Variants in GIGYF2 observed in about 807,000 individuals in gnomAD.
GIGYF2 encodes GRB10 interacting GYF protein 2, also known as GRB10-interacting GYF protein 2.
A neutral mutation model predicts 208.1 loss-of-function variants in GIGYF2; 25 were observed. The ratio of observed to expected loss-of-function variants is 0.12; its 90% CI spans 0.09 to 0.17. The LOEUF is 0.17. GIGYF2 is among the 10% of genes least tolerant of loss of function. The probability of loss-of-function intolerance (pLI) is 1.00; values close to 1 mark genes in which losing one functional copy is unlikely to be tolerated. For missense variants in GIGYF2, 1,302 were observed against 1,579.4 expected (o/e 0.82, Z 2.98); for synonymous variants, 534 against 543.8 (o/e 0.98, Z 0.25).
intron 12 of GIGYF2, among the ~76,000 whole-genome samples, chr2:232,794,226 A>G (rs1349623401): frequency 6.6e-6 from 1 of 152,228 alleles, no homozygotes; most frequent in Non-Finnish European, 1.5e-5. Context: ...ATTCCTATTG[A>G]GAAGAACATC....
intron 2 of GIGYF2, among the ~76,000 whole-genome samples, chr2:232,731,930 TAAAC>T (rs143786443): frequency 0.033 from 4,994 of 152,336 alleles, 231 homozygotes; most frequent in East Asian, 0.23. Context: ...GGATTTTTAT[TAAAC>T]AGTGTATCCT....
intron 23 of GIGYF2, among the ~76,000 whole-genome samples, chr2:232,842,748 A>G (rs907928228): frequency 3.3e-5 from 5 of 151,982 alleles, no homozygotes; most frequent in African/African-American, 9.7e-5. Context: ...CCCCACTCCA[A>G]TTTGTTGGTA....
At chr2:232,726,568 G>C (rs1697212274) in intron 2 of GIGYF2, among the ~76,000 whole-genome samples, 1 of 151,954 alleles carries the variant, frequency 6.6e-6, no homozygotes, top group Non-Finnish European at 1.5e-5. Flanking sequence ...GTGAGACCCT[G>C]TCTCAAAAAT....
intron 21 of GIGYF2, among the ~76,000 whole-genome samples, chr2:232,821,871 T>A (rs182544093): frequency 6.6e-6 from 1 of 152,170 alleles, no homozygotes; most frequent in Non-Finnish European, 1.5e-5. Flanking sequence ...TTCCAGTGCC[T>A]GTTTTTGCAA....
chr2:232,697,429 C>A, intron 1 of GIGYF2, 37 bp downstream of exon 1: 1 of 153,434 alleles, frequency 6.5e-6, no homozygotes, highest in South Asian at 2.0e-4. Flanking sequence ...CTGCCCGGCT[C>A]TGCTCCGCGC....
chr2:232,701,159 C>G (rs1449411998), intron 1 of GIGYF2, among the ~76,000 whole-genome samples: 1 of 152,034 alleles, frequency 6.6e-6, no homozygotes, highest in Non-Finnish European at 1.5e-5. Flanking sequence ...GACCAAACTT[C>G]ATTTTATAAA....
intron 21 of GIGYF2, among the ~76,000 whole-genome samples, chr2:232,827,444 C>T (rs924589002): frequency 6.6e-6 from 1 of 152,100 alleles, no homozygotes. Flanking sequence ...TTATAAAGTT[C>T]AGTTTCTTTG....
chr2:232,718,372 T>TA (rs1696791249), intron 2 of GIGYF2, among the ~76,000 whole-genome samples: 1 of 152,196 alleles, frequency 6.6e-6, no homozygotes, highest in Non-Finnish European at 1.5e-5. Flanking sequence ...GTGCTGGGAT[T>TA]ATAGGCATGA....
chr2:232,792,179 C>G (rs1700088185), intron 12 of GIGYF2, among the ~76,000 whole-genome samples: 1 of 152,120 alleles, frequency 6.6e-6, no homozygotes, highest in Non-Finnish European at 1.5e-5. Flanking sequence ...CCTTTTAGGT[C>G]CTGAACTGTC....
Position 232,752,791 on chromosome 2 carries a change from C to T in GIGYF2, c.268-3432C>T, listed in dbSNP as rs897300204. On this transcript the variant is annotated intron_variant, in intron 5 of 28. Coordinates refer to ENST00000373563, the MANE Select transcript of GIGYF2 (RefSeq NM_001103146.3). ...TCCTGACCTCGTGATCTGCCTGCCTCGGCCTCCCAAAGTGCTGGGATTACA... is the reference window on the plus strand; with the variant it reads ...TCCTGACCTCGTGATCTGCCTGCCTTGGCCTCCCAAAGTGCTGGGATTACA... Among the ~76,000 whole-genome samples, 29 of 152,176 alleles carry T rather than the reference C, an allele frequency of 1.9e-4. 1 individual carries two copies. The highest frequency in any genetic ancestry group is 2.9e-4 in the African/African-American group (12 of 41,526).
chr2:232,760,373 T>A, intron 6 of GIGYF2, 107 bp from the exon 7 acceptor site: 8 of 756,164 alleles, frequency 1.1e-5, no homozygotes, highest in Admixed American at 2.0e-5. Flanking sequence ...TAAATGTAGA[T>A]GTCCTGCCTT....
At chr2:232,703,150 A>G (rs375688835) in intron 1 of GIGYF2, among the ~76,000 whole-genome samples, 1 of 152,192 alleles carries the variant, frequency 6.6e-6, no homozygotes, top group South Asian at 2.1e-4. Flanking sequence ...CCAAATAATG[A>G]CTTCCCTGAA....
intron 1 of GIGYF2, chr2:232,700,737 T>G (rs1180839139): frequency 6.6e-6 from 1 of 152,160 alleles, no homozygotes; most frequent in African/African-American, 2.4e-5. Flanking sequence ...GAACTCAAGC[T>G]TTTTTTCACT....
At chr2:232,767,246 C>G (rs1373038113) in intron 8 of GIGYF2, 1 of 152,074 alleles carries the variant, frequency 6.6e-6, no homozygotes, top group African/African-American at 2.4e-5. Flanking sequence ...GCTTTATCTA[C>G]TGTAGATTTT....
chr2:232,807,699 T>C (rs116432590), intron 15 of GIGYF2, among the ~76,000 whole-genome samples: 1,622 of 152,330 alleles, frequency 0.011, 31 homozygotes, highest in African/African-American at 0.037. Context: ...CAGGTTGGAC[T>C]GTCTGGTGAC....
chr2:232,809,586 T>C, intron 15 of GIGYF2, 134 bp from the exon 16 acceptor site: 1 of 673,302 alleles, frequency 1.5e-6, no homozygotes, highest in Non-Finnish European at 2.8e-6. Flanking sequence ...TTTATTCAAG[T>C]GTTTGGGTAA....
At chr2:232,760,209 A>T (rs1374936232) in intron 6 of GIGYF2, 1 of 308,424 alleles carries the variant, frequency 3.2e-6, no homozygotes, top group East Asian at 6.3e-5. Flanking sequence ...TTCGTTAAAG[A>T]ACTTAAAGTT....
intron 3 of GIGYF2, among the ~76,000 whole-genome samples, chr2:232,747,231 C>T (rs1290994232): frequency 6.6e-6 from 1 of 152,142 alleles, no homozygotes; most frequent in African/African-American, 2.4e-5. Context: ...TACATCCTTA[C>T]CAACACCTGG....
intron 8 of GIGYF2, among the ~76,000 whole-genome samples, chr2:232,779,174 G>T (rs1419986121): frequency 2.0e-5 from 3 of 152,140 alleles, no homozygotes; most frequent in African/African-American, 4.8e-5. Context: ...TATTTCTGTT[G>T]TAGCTGTTTC....
Sources: allele counts gnomAD v4.1 joint callset (sites outside exome capture counted in the v4.1 genomes callset), GRCh38; gene constraint gnomAD v4.1.1; transcripts MANE v1.5; gene names NCBI Gene and HGNC (gene_info 2026-07-23, HGNC 2026-07-21).